The following RPH3A variants were observed in gnomAD, a reference collection of about 807,000 sequenced individuals.
RPH3A encodes rabphilin-3A.
Under a neutral mutation model 102.2 loss-of-function variants are expected in RPH3A, and 48 were observed. That is an observed-to-expected ratio of 0.47 (90% CI 0.37 to 0.60). RPH3A has a LOEUF of 0.60. Among genes scored for constraint, RPH3A ranks in the 20% least tolerant of loss-of-function variants. The pLI, the probability that RPH3A is intolerant of heterozygous loss-of-function variation, is 0.00. For missense variants in RPH3A, 781 were observed against 910.1 expected, an observed-to-expected ratio of 0.86 and a Z score of 1.83; for synonymous variants, 310 against 324.3, an observed-to-expected ratio of 0.96 and a Z score of 0.47.
chr12:112,607,681 A>T (rs563488906), intron 1 of RPH3A, among the ~76,000 whole-genome samples: 1 of 152,324 alleles, frequency 6.6e-6, no homozygotes, highest in East Asian at 1.9e-4. Context: ...TTCTGTCCTC[A>T]CTACAGAGTT....
intron 11 of RPH3A, 123 bp from the exon 12 acceptor site, chr12:112,875,556 G>T (rs1352395321): frequency 5.1e-6 from 4 of 782,882 alleles, no homozygotes; most frequent in Non-Finnish European, 6.3e-6. Context: ...TGTTTCTGCA[G>T]CCTCGGGTAC....
intron 3 of RPH3A, among the ~76,000 whole-genome samples, chr12:112,833,010 C>T (rs1420699981): frequency 1.7e-4 from 25 of 146,400 alleles, no homozygotes; most frequent in African/African-American, 6.4e-4. Flanking sequence ...AATCTTGGCT[C>T]GCTGCAACCT....
At chr12:112,872,693 G>C (rs2042727966) in intron 10 of RPH3A, among the ~76,000 whole-genome samples, 1 of 151,994 alleles carries the variant, frequency 6.6e-6, no homozygotes, top group Non-Finnish European at 1.5e-5. Flanking sequence ...CCTTATATTT[G>C]GGTCTTTGAT....
intron 1 of RPH3A, among the ~76,000 whole-genome samples, chr12:112,580,218 C>T (rs1485717859): frequency 2.0e-5 from 3 of 151,644 alleles, no homozygotes; most frequent in African/African-American, 4.8e-5. Flanking sequence ...TCTCTCTCCA[C>T]GTCTCTCTGG....
chr12:112,859,494 G>T (rs1020785827), intron 5 of RPH3A, among the ~76,000 whole-genome samples: 1 of 152,200 alleles, frequency 6.6e-6, no homozygotes, highest in Admixed American at 6.5e-5. Context: ...TCACTGCCTG[G>T]TGATTATCGC....
chr12:112,847,728 G>A lies in RPH3A; in HGVS notation c.116G>A (p.Gly39Asp). ...GCAGGCTGGTCCGTCCACCCCGGTGGTCAGCCTGACAGGCAGAGGAAGCAG... is the reference window on the plus strand; with the variant it reads ...GCAGGCTGGTCCGTCCACCCCGGTGATCAGCCTGACAGGCAGAGGAAGCAG... Reference protein sequence around the residue: ...LQAGWSVHPGGQPDRQRKQEE... With the variant: ...LQAGWSVHPGDQPDRQRKQEE... Residue 39 changes from glycine to aspartate, a missense_variant, in exon 5 of 22, where the codon GGT becomes GAT. Gly to Asp is a moderately conservative substitution (Grantham distance 94). Around this residue, in one of 2 missense-constraint regions of RPH3A, gnomAD observed 730 missense variants for 810.0 expected, o/e 0.90. Coordinates refer to ENST00000389385, the MANE Select transcript of RPH3A (RefSeq NM_001143854.2). 1 of 1,614,182 alleles carries A rather than the reference G, an allele frequency of 6.2e-7. No homozygotes were observed. Among genetic ancestry groups the A allele is most frequent in the Non-Finnish European group, 8.5e-7 (1 of 1,180,028 alleles).
chr12:112,728,421 AC>A (rs1460053288), intron 1 of RPH3A, among the ~76,000 whole-genome samples: 1 of 152,106 alleles, frequency 6.6e-6, no homozygotes, highest in Non-Finnish European at 1.5e-5. Context: ...ATAATCATGG[AC>A]AGGCATCAAA....
chr12:112,873,897 G>GT (rs1407801969), intron 10 of RPH3A: 3 of 152,252 alleles, frequency 2.0e-5, no homozygotes, highest in African/African-American at 7.2e-5. Flanking sequence ...ATAAGATGGT[G>GT]TTTTGTTCAT....
chr12:112,660,229 A>G (rs1283747305), intron 1 of RPH3A, among the ~76,000 whole-genome samples: 1 of 152,194 alleles, frequency 6.6e-6, no homozygotes, highest in Non-Finnish European at 1.5e-5. Context: ...ACATCAGTCT[A>G]TATATTGAAA....
chr12:112,617,180 G>A (rs2039686702), intron 1 of RPH3A, among the ~76,000 whole-genome samples: 1 of 152,220 alleles, frequency 6.6e-6, no homozygotes, highest in Non-Finnish European at 1.5e-5. Flanking sequence ...AGCTGGAGGT[G>A]TCAGGAAGAG....
chr12:112,642,974 A>G (rs1207258454), intron 1 of RPH3A, among the ~76,000 whole-genome samples: 1 of 152,160 alleles, frequency 6.6e-6, no homozygotes, highest in Admixed American at 6.5e-5. Context: ...GGTGCTGCTC[A>G]ATGTACTACA....
At chr12:112,877,461 A>ACACACACACAC (rs1176054466) in intron 13 of RPH3A, among the ~76,000 whole-genome samples, 2 of 129,340 alleles carry the variant, frequency 1.5e-5, no homozygotes, top group African/African-American at 6.9e-5. Context: ...CACACACACC[A>ACACACACACAC]GTGGCATTTC....
chr12:112,820,000 G>GA (rs1173031003), intron 2 of RPH3A, among the ~76,000 whole-genome samples: 1 of 152,218 alleles, frequency 6.6e-6, no homozygotes, highest in Non-Finnish European at 1.5e-5. Flanking sequence ...TTCACCTCTG[G>GA]ATGGTAGGAG....
At chr12:112,883,100 A>T (rs2042943812) in intron 15 of RPH3A, among the ~76,000 whole-genome samples, 193 bp from the exon 16 acceptor site, 1 of 152,106 alleles carries the variant, frequency 6.6e-6, no homozygotes, top group Non-Finnish European at 1.5e-5. Context: ...TCAAGCATTG[A>T]TCCATTTTTC....
At chr12:112,590,318 C>T (rs906913929) in intron 1 of RPH3A, among the ~76,000 whole-genome samples, 3 of 152,186 alleles carry the variant, frequency 2.0e-5, no homozygotes, top group African/African-American at 7.2e-5. Context: ...TGAGCTCTTG[C>T]AGCCACCAGC....
intron 1 of RPH3A, among the ~76,000 whole-genome samples, chr12:112,772,925 A>T (rs2040937544): frequency 6.6e-6 from 1 of 151,922 alleles, no homozygotes. Context: ...CCATTGTATC[A>T]TTCTTATGCC....
At chr12:112,883,212 C>A in intron 15 of RPH3A, 81 bp from the exon 16 acceptor site, 1 of 1,070,104 alleles carries the variant, frequency 9.3e-7, no homozygotes, top group South Asian at 1.3e-5. Flanking sequence ...CCCACCCACC[C>A]CACGTCAGCC....
chr12:112,887,999 G>A (rs970612028), intron 17 of RPH3A, 76 bp downstream of exon 17: 4 of 1,541,932 alleles, frequency 2.6e-6, no homozygotes, highest in Non-Finnish European at 3.5e-6. Context: ...GTCTGAATTG[G>A]GGGAAATAGA....
rs149619486 is a variant in RPH3A, at chr12:112,785,804, C to T, written c.-139-6339C>T. On this transcript the variant is annotated intron_variant, in intron 1 of 21. Coordinates refer to the RPH3A transcript ENST00000543106. ...CTAGCTCTAGAACCTGGCCTCTTAA[C>T]AATTTCATTATGCCGTCTCTGCTGT... Among the ~76,000 whole-genome samples, 808 of 152,284 alleles carry T rather than the reference C, an allele frequency of 5.3e-3. 8 individuals are homozygous for T. The highest frequency in any genetic ancestry group is 0.018 in the African/African-American group (756 of 41,566).
Sources: allele counts gnomAD v4.1 joint callset (sites outside exome capture counted in the v4.1 genomes callset), GRCh38; gene constraint gnomAD v4.1.1; regional missense constraint gnomAD v4.1.1; transcripts MANE v1.5; gene names NCBI Gene and HGNC (gene_info 2026-07-23, HGNC 2026-07-21).